The following RANBP2 variants were observed in gnomAD, a reference collection of about 807,000 sequenced individuals.
RANBP2 encodes E3 SUMO-protein ligase RanBP2.
Under a neutral mutation model 303.6 loss-of-function variants are expected in RANBP2, and 57 were observed. That is an observed-to-expected ratio of 0.19 (90% confidence interval 0.15 to 0.23). The LOEUF (loss-of-function observed/expected upper bound fraction) is 0.23. RANBP2 is among the 10% of genes least tolerant of loss of function. RANBP2 has a pLI of 1.00. For synonymous variants in RANBP2, 1,167 were observed against 1,301.5 expected (o/e 0.90, Z 2.23); for missense variants, 3,138 against 3,780.8 (o/e 0.83, Z 4.46).
chr2:109,465,868 A>G, the RANBP2 span, among the ~76,000 whole-genome samples: 2 of 152,086 alleles, frequency 1.3e-5, no homozygotes, highest in South Asian at 4.1e-4. Context: ...CACCAAGGAG[A>G]CGGTGTTAAA....
chr2:109,718,956 G>A, the RANBP2 span, among the ~76,000 whole-genome samples: 1 of 141,906 alleles, frequency 7.0e-6, no homozygotes, highest in Non-Finnish European at 1.5e-5. Flanking sequence ...GTTGCAGTGA[G>A]CTGAGATTGT....
chr2:108,910,913 AG>A, the RANBP2 span: 4 of 1,613,918 alleles, frequency 2.5e-6, no homozygotes, highest in Admixed American at 1.7e-5. Flanking sequence ...CGGAGAGTCC[AG>A]GAAGCAGGGC....
chr2:109,254,828 G>A, the RANBP2 span, among the ~76,000 whole-genome samples: 1 of 152,176 alleles, frequency 6.6e-6, no homozygotes, highest in Non-Finnish European at 1.5e-5. Flanking sequence ...TGGAGGCACT[G>A]CCTCGCCAGG....
chr2:109,659,224 A>G, the RANBP2 span, among the ~76,000 whole-genome samples: 1 of 151,990 alleles, frequency 6.6e-6, no homozygotes, highest in African/African-American at 2.4e-5. Flanking sequence ...TAAAAGTACA[A>G]AAACTAGCTG....
chr2:108,881,908 C>G, the RANBP2 span, among the ~76,000 whole-genome samples: 365 of 152,256 alleles, frequency 2.4e-3, 4 homozygotes, highest in African/African-American at 8.5e-3. Context: ...CTTTGGGAAG[C>G]TGAGGCTAGA....
the RANBP2 span, among the ~76,000 whole-genome samples, chr2:108,916,710 G>T: frequency 6.6e-6 from 1 of 152,128 alleles, no homozygotes; most frequent in African/African-American, 2.4e-5. Flanking sequence ...CAGCCGAGGA[G>T]GTGGGGGCAA....
chr2:109,477,354 A>G, the RANBP2 span, among the ~76,000 whole-genome samples: 3 of 152,148 alleles, frequency 2.0e-5, no homozygotes, highest in Non-Finnish European at 4.4e-5. Flanking sequence ...TGACAGGTAT[A>G]TGGGCCCACC....
At chr2:109,558,247 A>G in the RANBP2 span, among the ~76,000 whole-genome samples, 2 of 152,240 alleles carry the variant, frequency 1.3e-5, no homozygotes, top group Admixed American at 1.3e-4. Context: ...TTTCAAGTAC[A>G]GTTCCGATAA....
At chr2:109,315,822 C>T in the RANBP2 span, among the ~76,000 whole-genome samples, 1 of 152,080 alleles carries the variant, frequency 6.6e-6, no homozygotes, top group Non-Finnish European at 1.5e-5. Context: ...GCTTTTCCAC[C>T]CTAGAATGAC....
the RANBP2 span, chr2:109,501,680 G>A: frequency 1.3e-6 from 1 of 754,196 alleles, no homozygotes; most frequent in South Asian, 1.4e-5. Context: ...GAGAACTGGT[G>A]CTCCCTGCAC....
At chr2:109,424,616 A>T in the RANBP2 span, among the ~76,000 whole-genome samples, 9 of 152,224 alleles carry the variant, frequency 5.9e-5, no homozygotes, top group Non-Finnish European at 1.0e-4. Flanking sequence ...CTTTTTCATT[A>T]TATCTTTATG....
chr2:109,268,861 A>T, the RANBP2 span, among the ~76,000 whole-genome samples: 3 of 152,318 alleles, frequency 2.0e-5, no homozygotes, highest in East Asian at 5.8e-4. Flanking sequence ...GGTGTATTCA[A>T]TGAATTTCAG....
chr2:109,359,988 A>G, the RANBP2 span, among the ~76,000 whole-genome samples: 2 of 151,722 alleles, frequency 1.3e-5, no homozygotes, highest in East Asian at 1.9e-4. Context: ...TTTAAAAGCC[A>G]TCCAGCAGAA....
chr2:109,642,946 A>C, the RANBP2 span, among the ~76,000 whole-genome samples: 1 of 152,076 alleles, frequency 6.6e-6, no homozygotes, highest in Admixed American at 6.6e-5. Context: ...AGGCTGAGGC[A>C]GGTGAATTGC....
the RANBP2 span, among the ~76,000 whole-genome samples, chr2:108,791,115 ATAT>A: frequency 6.6e-6 from 1 of 151,248 alleles, no homozygotes; most frequent in African/African-American, 2.5e-5. Context: ...ACTTTTAGAT[ATAT>A]TATATTAACT....
chr2:109,243,615 A>G, the RANBP2 span, among the ~76,000 whole-genome samples: 36 of 152,226 alleles, frequency 2.4e-4, no homozygotes, highest in Non-Finnish European at 4.3e-4. Context: ...GAACATTTTT[A>G]AAGAGATGGT....
chr2:109,530,379 C>T, the RANBP2 span, among the ~76,000 whole-genome samples: 43 of 152,270 alleles, frequency 2.8e-4, no homozygotes, highest in Admixed American at 1.6e-3. Flanking sequence ...CTCCACTCTA[C>T]GGAGTCCAAG....
At chr2:109,195,927 G>T in the RANBP2 span, among the ~76,000 whole-genome samples, 354 of 152,276 alleles carry the variant, frequency 2.3e-3, 2 homozygotes, top group African/African-American at 7.9e-3. Context: ...TACTGACTGA[G>T]CACCTCGCCC....
chr2:109,066,820 A>AG, the RANBP2 span, among the ~76,000 whole-genome samples: 2 of 152,050 alleles, frequency 1.3e-5, no homozygotes, highest in African/African-American at 4.8e-5. Context: ...TAAAGGAAGG[A>AG]GGGGCCCCAG....
Sources: gnomAD v4.1 joint callset for allele counts (sites outside exome capture counted in the v4.1 genomes callset) on GRCh38, gnomAD v4.1.1 for gene constraint, MANE v1.5 for transcripts, NCBI Gene and HGNC (gene_info 2026-07-23, HGNC 2026-07-21) for gene names.